Variants in NALCN observed in about 807,000 individuals in gnomAD.
NALCN encodes the protein sodium leak channel NALCN.
NALCN carries 111 observed loss-of-function variants against 225.3 expected under a neutral mutation model. That is an observed-to-expected ratio of 0.49 (90% CI 0.42 to 0.58). The LOEUF is 0.58. NALCN is among the 20% of genes least tolerant of loss of function. NALCN has a pLI of 0.00. For synonymous variants in NALCN, 764 were observed against 769.0 expected (o/e 0.99, Z 0.11); for missense variants, 1,378 against 2,202.4 (o/e 0.63, Z 7.49).
intron 15 of NALCN, among the ~76,000 whole-genome samples, chr13:101,163,686 A>G (rs958577487): frequency 4.6e-5 from 7 of 152,120 alleles, no homozygotes; most frequent in African/African-American, 1.7e-4. Flanking sequence ...CAGCCAGGCT[A>G]CTTGCCAGCT....
chr13:101,295,488 A>G (rs2043712343), intron 7 of NALCN, among the ~76,000 whole-genome samples: 1 of 152,180 alleles, frequency 6.6e-6, no homozygotes, highest in Non-Finnish European at 1.5e-5. Flanking sequence ...CCCTGTCCAG[A>G]TCTTTCTTAA....
chr13:101,329,738 C>G (rs1426126717), intron 7 of NALCN, among the ~76,000 whole-genome samples: 1 of 151,822 alleles, frequency 6.6e-6, no homozygotes, highest in South Asian at 2.1e-4. Context: ...CATGGGAATC[C>G]TAAAAATATA....
intron 7 of NALCN, among the ~76,000 whole-genome samples, chr13:101,339,332 AT>A (rs1250736546): frequency 6.6e-6 from 1 of 152,142 alleles, no homozygotes. Context: ...TGTCCTTTAG[AT>A]TATGTCTACT....
At chr13:101,213,205 C>G (rs1467832138) in intron 13 of NALCN, among the ~76,000 whole-genome samples, 2 of 151,972 alleles carry the variant, frequency 1.3e-5, no homozygotes, top group Non-Finnish European at 2.9e-5. Context: ...GAAAGGATTC[C>G]CTATTTAATA....
chr13:101,331,341 C>T (rs563067831), intron 7 of NALCN, among the ~76,000 whole-genome samples: 2 of 152,162 alleles, frequency 1.3e-5, no homozygotes, highest in Admixed American at 1.3e-4. Context: ...GATAAAAGAA[C>T]AGGCAGGTTT....
intron 12 of NALCN, among the ~76,000 whole-genome samples, chr13:101,235,667 T>C (rs1205794390): frequency 6.6e-6 from 1 of 152,144 alleles, no homozygotes; most frequent in Non-Finnish European, 1.5e-5. Context: ...ACTCAACAAA[T>C]GAGGAGAGAT....
At chr13:101,324,195 C>T (rs1193398863) in intron 7 of NALCN, among the ~76,000 whole-genome samples, 2 of 152,212 alleles carry the variant, frequency 1.3e-5, no homozygotes, top group East Asian at 1.9e-4. Flanking sequence ...TTTGAGTCCT[C>T]GTAACACGTC....
At chr13:101,253,205 T>A (rs1320496076) in intron 11 of NALCN, among the ~76,000 whole-genome samples, 1 of 152,120 alleles carries the variant, frequency 6.6e-6, no homozygotes, top group East Asian at 1.9e-4. Context: ...CTTAACTAAT[T>A]CTAAATGTAG....
chr13:101,278,478 G>C (rs1216791736), intron 10 of NALCN, among the ~76,000 whole-genome samples: 1 of 143,496 alleles, frequency 7.0e-6, no homozygotes, highest in Non-Finnish European at 1.5e-5. Context: ...AGCCAAGATT[G>C]TGCCACTGGA....
chr13:101,139,803 G>C (rs1349166297), intron 17 of NALCN, among the ~76,000 whole-genome samples: 1 of 152,092 alleles, frequency 6.6e-6, no homozygotes, highest in Non-Finnish European at 1.5e-5. Context: ...TGGCTTTCGG[G>C]TTTCTTAATA....
chr13:101,368,299 C>T (rs1174984175), intron 6 of NALCN, among the ~76,000 whole-genome samples: 1 of 151,812 alleles, frequency 6.6e-6, no homozygotes, highest in East Asian at 1.9e-4. Flanking sequence ...TGATGATTTC[C>T]AATTTCATCC....
At chr13:101,162,646 T>C (rs995519884) in intron 15 of NALCN, among the ~76,000 whole-genome samples, 1 of 152,200 alleles carries the variant, frequency 6.6e-6, no homozygotes, top group African/African-American at 2.4e-5. Context: ...CTTAGAACCA[T>C]TGCAATCTAG....
At chr13:101,200,205 C>T (rs1032918877) in intron 13 of NALCN, among the ~76,000 whole-genome samples, 8 of 152,074 alleles carry the variant, frequency 5.3e-5, no homozygotes, top group African/African-American at 1.7e-4. Context: ...ACTCCTCATG[C>T]CCCACTTTCA....
At chr13:101,162,299 T>C (rs2038226203) in intron 15 of NALCN, among the ~76,000 whole-genome samples, 1 of 152,242 alleles carries the variant, frequency 6.6e-6, no homozygotes, top group Non-Finnish European at 1.5e-5. Context: ...AGAACTTACT[T>C]ATTATTGTAC....
chr13:101,143,311 G>A lies in NALCN; in HGVS notation c.1977-90C>T, dbSNP rs141920620. 1.2e-4 allele frequency: 161 copies of A among 1,329,012 alleles called. No individual in the cohort carries two copies. The African/African-American group carries it at 2.0e-3, about 16-fold the overall frequency. The allele number at this position is 1,329,012 out of a possible 1,614,324, so 82.3% of individuals were successfully genotyped here. The stretch of plus-strand genomic sequence containing the variant: ...GCAATGATGAGTTTGCTTGAGCAAA[G>A]ATAAAGCAGTGATAAAAGATCATAG... On this transcript the variant is annotated intron_variant, in intron 16 of 43. Coordinates refer to ENST00000251127, the MANE Select transcript of NALCN (RefSeq NM_052867.4).
chr13:101,150,994 A>C (rs1326978291), intron 15 of NALCN, among the ~76,000 whole-genome samples: 1 of 152,222 alleles, frequency 6.6e-6, no homozygotes, highest in African/African-American at 2.4e-5. Flanking sequence ...GCTGCAACCG[A>C]GAGATCAAAT....
At chr13:101,284,705 G>A (rs1277619573) in intron 9 of NALCN, among the ~76,000 whole-genome samples, 1 of 152,066 alleles carries the variant, frequency 6.6e-6, no homozygotes, top group Non-Finnish European at 1.5e-5. Flanking sequence ...GTTTCTTTTG[G>A]ATTAAAGACC....
In NALCN at chr13:101,345,547, C is replaced by T. The variant is rs77493365; in HGVS notation, c.645-127G>A. On this transcript the variant is annotated intron_variant, in intron 6 of 43. Transcript: ENST00000251127. ...AAGTGAGGTTGCTCATGCCTGTAAT[C>T]GTTGCACTTTGGGAGGCATAGGCAG... 4.1e-3 allele frequency: 4,595 copies of T among 1,128,154 alleles called. 93 individuals carry two copies. In the African/African-American group the frequency reaches 0.048, roughly 12 times the overall value. The allele number at this position is 1,128,154 out of a possible 1,614,324, so 69.9% of individuals were successfully genotyped here. A position where few individuals can be genotyped will look rare whatever the true frequency, so the allele number is the denominator to read the frequency against.
At chr13:101,118,255 TA>T (rs1409883960) in intron 18 of NALCN, among the ~76,000 whole-genome samples, 1 of 151,880 alleles carries the variant, frequency 6.6e-6, no homozygotes, top group Non-Finnish European at 1.5e-5. Flanking sequence ...AATAGTCTAT[TA>T]AAAAAAACTT....
Sources: gnomAD v4.1 joint callset for allele counts (sites outside exome capture counted in the v4.1 genomes callset) on GRCh38, gnomAD v4.1.1 for gene constraint, MANE v1.5 for transcripts, NCBI Gene and HGNC (gene_info 2026-07-23, HGNC 2026-07-21) for gene names.